Variants in PCDHA6 observed in about 807,000 individuals in gnomAD.
PCDHA6 encodes the protein protocadherin alpha-6.
PCDHA6 carries 55 observed loss-of-function variants against 60.3 expected under a neutral mutation model. The ratio of observed to expected loss-of-function variants is 0.91; its 90% CI spans 0.73 to 1.14. PCDHA6 has a LOEUF of 1.14. Ranked by LOEUF, PCDHA6 falls within the 50% of genes most tolerant of loss-of-function variation. The pLI is 0.00. For synonymous variants in PCDHA6, 652 were observed against 557.9 expected (o/e 1.17, Z -2.38); for missense variants, 1,327 against 1,256.5 (o/e 1.06, Z -0.85).
chr5:140,949,685 G>A (rs1044878374), intron 1 of PCDHA6, among the ~76,000 whole-genome samples: 4 of 151,794 alleles, frequency 2.6e-5, no homozygotes, highest in East Asian at 1.9e-4. Flanking sequence ...TTGTTGAAGC[G>A]TATTGTTGGA....
At chr5:140,834,478 A>T in intron 1 of PCDHA6, 1 of 1,614,162 alleles carries the variant, frequency 6.2e-7, no homozygotes. Context: ...GGCCAGCTCC[A>T]CTACTCGGTC....
At chr5:140,850,791 A>C in intron 1 of PCDHA6, 1 of 1,598,378 alleles carries the variant, frequency 6.3e-7, no homozygotes, top group Non-Finnish European at 8.6e-7. Flanking sequence ...GGGTAAGCAG[A>C]AGACCGACCT....
chr5:140,995,581 G>A (rs1268400169), intron 3 of PCDHA6, among the ~76,000 whole-genome samples: 6 of 152,292 alleles, frequency 3.9e-5, no homozygotes, highest in Admixed American at 2.0e-4. Context: ...TGAGCTATGA[G>A]CTTTTAACTT....
chr5:140,868,379 T>C (rs1554161939), intron 1 of PCDHA6: 1 of 152,086 alleles, frequency 6.6e-6, no homozygotes, highest in Non-Finnish European at 1.5e-5. Context: ...CAGTAAAGAA[T>C]GAGAACTATA....
intron 3 of PCDHA6, among the ~76,000 whole-genome samples, chr5:140,985,739 CTT>C (rs11372071): frequency 4.2e-4 from 50 of 117,920 alleles, no homozygotes; most frequent in Middle Eastern, 4.8e-3. Context: ...TGATGAATTC[CTT>C]TTTTTTTTTT....
At chr5:140,966,505 A>C (rs2096011889) in intron 1 of PCDHA6, 2 of 427,984 alleles carry the variant, frequency 4.7e-6, no homozygotes, top group Non-Finnish European at 8.1e-6. Context: ...CTGTAGCGGC[A>C]GCAGCAGCAG....
Position 140,857,860 on chromosome 5 carries a change from G to A in PCDHA6, c.2394+27375G>A, listed in dbSNP as rs532607436. On this transcript the variant is annotated intron_variant, in intron 1 of 3. Transcript: ENST00000529310. ...TGGACGCTGACTCTGGATACAACGC[G>A]TGGCTGTCGTATGAATTGCAGTCGG... 1.9e-6 allele frequency: 3 copies of A among 1,597,882 alleles called. 1 individual carries two copies. Among genetic ancestry groups the A allele is most frequent in the South Asian group, 1.1e-5 (1 of 90,496 alleles).
chr5:140,956,177 A>G (rs1261759530), intron 1 of PCDHA6, among the ~76,000 whole-genome samples: 6 of 152,192 alleles, frequency 3.9e-5, no homozygotes, highest in Non-Finnish European at 8.8e-5. Flanking sequence ...AGAACTTCCA[A>G]TACTATGCTG....
At chr5:140,912,139 GTTC>G (rs2075787473) in intron 1 of PCDHA6, among the ~76,000 whole-genome samples, 1 of 152,162 alleles carries the variant, frequency 6.6e-6, no homozygotes. Context: ...ATCTCTCCAT[GTTC>G]TTCTGCCTGT....
At chr5:140,972,909 G>T (rs999939821) in intron 1 of PCDHA6, among the ~76,000 whole-genome samples, 18 of 151,942 alleles carry the variant, frequency 1.2e-4, no homozygotes, top group African/African-American at 4.4e-4. Flanking sequence ...TGATCCACCC[G>T]CCTTGGCCTC....
chr5:140,848,357 T>C (rs2150409370), intron 1 of PCDHA6: 16 of 1,035,266 alleles, frequency 1.5e-5, no homozygotes, highest in African/African-American at 1.1e-4. Context: ...CCTTTTCCCA[T>C]GGGAAAGAGG....
intron 1 of PCDHA6, among the ~76,000 whole-genome samples, chr5:140,978,369 A>G (rs1015473344): frequency 6.6e-6 from 1 of 152,196 alleles, no homozygotes; most frequent in Non-Finnish European, 1.5e-5. Flanking sequence ...CAAACTCTGC[A>G]ATAGTTTGTT....
intron 3 of PCDHA6, among the ~76,000 whole-genome samples, chr5:140,984,315 C>G (rs1254013417): frequency 1.3e-5 from 2 of 152,124 alleles, no homozygotes; most frequent in African/African-American, 4.8e-5. Flanking sequence ...GTGTGTATTC[C>G]TAGGCAAATG....
chr5:140,963,680 T>G (rs1482854996), intron 1 of PCDHA6, among the ~76,000 whole-genome samples: 1 of 152,238 alleles, frequency 6.6e-6, no homozygotes, highest in African/African-American at 2.4e-5. Context: ...TTAAATGTGT[T>G]TATCCGTGTT....
intron 1 of PCDHA6, among the ~76,000 whole-genome samples, chr5:140,899,871 T>G (rs76112838): frequency 0.014 from 2,117 of 152,008 alleles, 43 homozygotes; most frequent in African/African-American, 0.049. Context: ...GCAGTGGTAT[T>G]AACAGAACTC....
intron 1 of PCDHA6, among the ~76,000 whole-genome samples, chr5:140,947,620 T>C (rs1554218262): frequency 6.6e-6 from 1 of 151,706 alleles, no homozygotes; most frequent in African/African-American, 2.4e-5. Flanking sequence ...CTTAACAATA[T>C]TGAGTCATCA....
intron 3 of PCDHA6, among the ~76,000 whole-genome samples, chr5:141,004,893 C>A (rs1339074840): frequency 1.3e-5 from 2 of 152,154 alleles, no homozygotes; most frequent in African/African-American, 4.8e-5. Flanking sequence ...ATTGTGTCAG[C>A]TCTGCCAGGG....
chr5:140,888,059 T>C (rs1562834280), intron 1 of PCDHA6, among the ~76,000 whole-genome samples: 1 of 152,232 alleles, frequency 6.6e-6, no homozygotes, highest in African/African-American at 2.4e-5. Context: ...TGTTTTAACT[T>C]TCTTGTCTGC....
At chr5:140,842,125 T>C (rs1777718972) in intron 1 of PCDHA6, 1 of 1,613,772 alleles carries the variant, frequency 6.2e-7, no homozygotes, top group Non-Finnish European at 8.5e-7. Context: ...ATGCTTCTGA[T>C]CCGGATGAAG....
Sources: gnomAD v4.1 joint callset for allele counts (sites outside exome capture counted in the v4.1 genomes callset) on GRCh38, gnomAD v4.1.1 for gene constraint, MANE v1.5 for transcripts, NCBI Gene and HGNC (gene_info 2026-07-23, HGNC 2026-07-21) for gene names.